Variants in SYNPR observed in about 807,000 individuals in gnomAD.
The protein encoded by SYNPR is synaptoporin.
A neutral mutation model predicts 32.9 loss-of-function variants in SYNPR; 23 were observed. The observed-to-expected ratio is 0.70, with a 90% CI of 0.50 to 0.99. SYNPR has a LOEUF of 0.99. Among genes scored for constraint, SYNPR ranks in the 50% least tolerant of loss-of-function variants. The probability of loss-of-function intolerance (pLI) is 0.00; values close to 1 mark genes in which losing one functional copy is unlikely to be tolerated. For synonymous variants in SYNPR, 146 were observed against 135.9 expected (o/e 1.07, Z -0.52); for missense variants, 318 against 349.3 (o/e 0.91, Z 0.71).
intron 2 of SYNPR, among the ~76,000 whole-genome samples, chr3:63,393,496 C>CTTTTTTTTTTTTTTTTT (rs71631152): frequency 1.3e-4 from 11 of 84,506 alleles, no homozygotes; most frequent in African/African-American, 1.7e-4. Context: ...TCTTTCTTCT[C>CTTTTTTTTTTTTTTTTT]TTTTTTTTTT....
chr3:63,412,332 T>C (rs2088477660), intron 2 of SYNPR, among the ~76,000 whole-genome samples: 1 of 152,164 alleles, frequency 6.6e-6, no homozygotes, highest in African/African-American at 2.4e-5. Flanking sequence ...TATTTCTTTA[T>C]TGATCTTAAA....
intron 2 of SYNPR, among the ~76,000 whole-genome samples, chr3:63,433,060 A>G (rs1298199891): frequency 1.3e-5 from 2 of 152,214 alleles, no homozygotes; most frequent in Non-Finnish European, 2.9e-5. Context: ...CCACATTGCT[A>G]TGTGGCTTTG....
intron 2 of SYNPR, among the ~76,000 whole-genome samples, chr3:63,280,359 T>C (rs1196418655): frequency 6.6e-6 from 1 of 152,124 alleles, no homozygotes; most frequent in Non-Finnish European, 1.5e-5. Flanking sequence ...AATCTGCATT[T>C]TAAATGAGCT....
At chr3:63,438,884 G>A (rs1700126620) in intron 2 of SYNPR, among the ~76,000 whole-genome samples, 1 of 152,174 alleles carries the variant, frequency 6.6e-6, no homozygotes, top group Non-Finnish European at 1.5e-5. Flanking sequence ...TTATTAGTAT[G>A]GCCAAAGTAG....
intron 2 of SYNPR, among the ~76,000 whole-genome samples, chr3:63,380,007 G>C (rs1261259619): frequency 6.6e-6 from 1 of 152,140 alleles, no homozygotes; most frequent in Non-Finnish European, 1.5e-5. Flanking sequence ...TCCCTGCAAA[G>C]GACATGAACT....
chr3:63,423,925 TGA>T (rs1457460098), intron 2 of SYNPR, among the ~76,000 whole-genome samples: 4 of 152,144 alleles, frequency 2.6e-5, no homozygotes, highest in Non-Finnish European at 4.4e-5. Context: ...AAATCCAAAG[TGA>T]GAGACATTCT....
intron 3 of SYNPR, among the ~76,000 whole-genome samples, chr3:63,488,805 T>C (rs915745025): frequency 6.6e-6 from 1 of 152,062 alleles, no homozygotes; most frequent in Admixed American, 6.6e-5. Flanking sequence ...GAGCTATCAT[T>C]TGTAGGGAAT....
intron 3 of SYNPR, among the ~76,000 whole-genome samples, chr3:63,493,959 A>G (rs931456008): frequency 6.6e-6 from 1 of 152,096 alleles, no homozygotes; most frequent in Non-Finnish European, 1.5e-5. Context: ...AGAACTGCTG[A>G]CCTAAAAAGA....
At chr3:63,391,373 C>A (rs1038217277) in intron 2 of SYNPR, among the ~76,000 whole-genome samples, 15 of 152,196 alleles carry the variant, frequency 9.9e-5, no homozygotes, top group African/African-American at 3.4e-4. Context: ...AATGGGCATC[C>A]ACTGAGCATC....
At position 63,334,099 on chromosome 3, in the gene SYNPR, A is replaced by G. The variant is rs185677019; in HGVS notation, c.84+55357A>G. On this transcript the variant is annotated intron_variant, in intron 2 of 5. Coordinates refer to ENST00000478300, the MANE Select transcript of SYNPR (RefSeq NM_001130003.2). The stretch of plus-strand genomic sequence containing the variant: ...GTACCATAAAGTATTTTTGGCTCAC[A>G]GCTGTTTTAATGAGCAGGGCAGGAC... Among the ~76,000 whole-genome samples, 173 of 152,356 alleles carry G rather than the reference A, an allele frequency of 1.1e-3. 2 individuals carry two copies. Among genetic ancestry groups the G allele is most frequent in the African/African-American group, 4.1e-3 (169 of 41,582 alleles).
At chr3:63,273,237 C>A (rs1197805781) in intron 3 of SYNPR, among the ~76,000 whole-genome samples, 1 of 152,092 alleles carries the variant, frequency 6.6e-6, no homozygotes, top group Non-Finnish European at 1.5e-5. Flanking sequence ...GCAATGAAAA[C>A]TGCAAATCAT....
At chr3:63,577,526 CT>C (rs1309530546) in intron 4 of SYNPR, among the ~76,000 whole-genome samples, 1 of 151,932 alleles carries the variant, frequency 6.6e-6, no homozygotes, top group Non-Finnish European at 1.5e-5. Flanking sequence ...ATGTGGGCTT[CT>C]AGGGGCAAAT....
intron 2 of SYNPR, among the ~76,000 whole-genome samples, chr3:63,308,208 T>G (rs1217706172): frequency 6.6e-6 from 1 of 152,038 alleles, no homozygotes; most frequent in South Asian, 2.1e-4. Context: ...GCTCATTTAT[T>G]GTGGGTGGTC....
chr3:63,496,551 T>C (rs558505016), intron 3 of SYNPR, among the ~76,000 whole-genome samples: 2 of 152,264 alleles, frequency 1.3e-5, no homozygotes, highest in Middle Eastern at 3.4e-3. Flanking sequence ...CACCTTAAAT[T>C]TTTATAGATT....
chr3:63,377,640 C>A (rs2087912238), intron 2 of SYNPR, among the ~76,000 whole-genome samples: 2 of 151,568 alleles, frequency 1.3e-5, no homozygotes, highest in Admixed American at 1.3e-4. Flanking sequence ...TTTTTTTAAA[C>A]CCTGCTTCAT....
chr3:63,579,761 T>C (rs946037741), intron 4 of SYNPR, among the ~76,000 whole-genome samples: 6 of 150,660 alleles, frequency 4.0e-5, no homozygotes, highest in Non-Finnish European at 8.8e-5. Flanking sequence ...AAATGGTTTC[T>C]GAGGTTGGTT....
intron 2 of SYNPR, among the ~76,000 whole-genome samples, chr3:63,335,751 G>C (rs2087283754): frequency 7.2e-6 from 1 of 138,326 alleles, no homozygotes; most frequent in Non-Finnish European, 1.5e-5. Context: ...ACACACTCAA[G>C]TCCATATTAG....
rs764664786 is a variant in SYNPR at position 63,278,699 on chromosome 3, G to C, written c.41G>C (p.Arg14Pro). The C allele has an allele frequency of 6.4e-7, 1 of 1,551,680 alleles. No homozygotes were observed. The highest frequency in any genetic ancestry group is 8.7e-7 in the Non-Finnish European group (1 of 1,146,986). Residue 14 changes from arginine (R) to proline (P), a missense_variant, in exon 2 of 6, where the codon CGG becomes CCG. Arg to Pro is a moderately radical substitution (Grantham distance 103). Transcript: ENST00000478300. ...VSQLASAGTF[R>P]VLKEPLAFLR... Reference sequence around the variant, plus strand: ...AAGCTGGCCTCTGCGGGCACCTTCCGGGTGCTGAAGGAGCCCCTTGCCTTC... The same window carrying C: ...AAGCTGGCCTCTGCGGGCACCTTCCCGGTGCTGAAGGAGCCCCTTGCCTTC...
intron 1 of SYNPR, among the ~76,000 whole-genome samples, chr3:63,250,116 G>T (rs2086319634): frequency 6.6e-6 from 1 of 151,976 alleles, no homozygotes; most frequent in African/African-American, 2.4e-5. Context: ...GGGTTCTATA[G>T]CATTGTAGGA....
Sources: gnomAD v4.1 joint callset for allele counts (sites outside exome capture counted in the v4.1 genomes callset) on GRCh38, gnomAD v4.1.1 for gene constraint, MANE v1.5 for transcripts, NCBI Gene and HGNC (gene_info 2026-07-23, HGNC 2026-07-21) for gene names.